Variants in TMEM161B observed in about 807,000 individuals in gnomAD.
TMEM161B encodes the protein transmembrane protein 161B.
TMEM161B carries 34 observed loss-of-function variants against 61.8 expected under a neutral mutation model. The observed-to-expected ratio is 0.55, with a 90% CI of 0.42 to 0.73. TMEM161B has a LOEUF of 0.73. Ranked by LOEUF, TMEM161B falls within the 30% of genes least tolerant of loss-of-function variation. The pLI is 0.00. For missense variants in TMEM161B, 456 were observed against 558.5 expected (o/e 0.82, Z 1.85); for synonymous variants, 167 against 192.8 (o/e 0.87, Z 1.11).
intron 2 of TMEM161B, among the ~76,000 whole-genome samples, chr5:88,235,551 C>A (rs974266992): frequency 7.9e-5 from 12 of 152,120 alleles, no homozygotes; most frequent in Non-Finnish European, 1.6e-4. Flanking sequence ...AGCTTGTTCT[C>A]TTTCCACCAG....
At chr5:88,267,856 T>C (rs1160048416) in intron 1 of TMEM161B, among the ~76,000 whole-genome samples, 1 of 152,146 alleles carries the variant, frequency 6.6e-6, no homozygotes, top group Non-Finnish European at 1.5e-5. Flanking sequence ...CGGAACAAAA[T>C]ACTTATTAAC....
At chr5:88,258,730 A>G (rs1313913418) in intron 1 of TMEM161B, among the ~76,000 whole-genome samples, 3 of 152,142 alleles carry the variant, frequency 2.0e-5, no homozygotes, top group Non-Finnish European at 4.4e-5. Context: ...TTTCTTTTAG[A>G]AAAAGAAAGC....
At chr5:88,235,572 A>G (rs920181441) in intron 2 of TMEM161B, among the ~76,000 whole-genome samples, 1 of 152,152 alleles carries the variant, frequency 6.6e-6, no homozygotes, top group Admixed American at 6.5e-5. Flanking sequence ...GTGGTGATAC[A>G]AGAAGTAAGC....
intron 10 of TMEM161B, chr5:88,198,330 A>G (rs561289744): frequency 5.2e-4 from 79 of 152,270 alleles, no homozygotes; most frequent in African/African-American, 1.9e-3. Context: ...GTGGTGACTC[A>G]CGCCTGTAAT....
chr5:88,214,637 G>A (rs962293222), intron 5 of TMEM161B, among the ~76,000 whole-genome samples: 9 of 152,044 alleles, frequency 5.9e-5, no homozygotes, highest in African/African-American at 2.2e-4. Flanking sequence ...GACTTCATGG[G>A]CCATCATACA....
In TMEM161B at chr5:88,220,549, G is replaced by A; in HGVS notation, c.446+14C>T. On this transcript the variant is annotated intron_variant, in intron 5 of 11. Coordinates refer to ENST00000296595, the MANE Select transcript of TMEM161B (RefSeq NM_153354.5). ...TGCAAAATAAATTAATATTAATGATGTTTTGAAGGATACATTGCAAAAGAC... is the reference window on the plus strand; with the variant it reads ...TGCAAAATAAATTAATATTAATGATATTTTGAAGGATACATTGCAAAAGAC... 1 of 1,536,354 alleles carries A rather than the reference G, an allele frequency of 6.5e-7. No individual in the cohort carries two copies. Among genetic ancestry groups the A allele is most frequent in the Admixed American group, 2.2e-5 (1 of 46,360 alleles).
intron 2 of TMEM161B, among the ~76,000 whole-genome samples, 177 bp from the exon 3 acceptor site, chr5:88,228,705 T>C (rs1034588881): frequency 5.4e-4 from 82 of 152,134 alleles, no homozygotes; most frequent in Admixed American, 3.3e-4. Context: ...TAGATAAACA[T>C]CCAGCAGACA....
chr5:88,243,736 T>C (rs1249106922), intron 1 of TMEM161B, among the ~76,000 whole-genome samples: 1 of 151,912 alleles, frequency 6.6e-6, no homozygotes, highest in African/African-American at 2.4e-5. Flanking sequence ...ATTCCTTATC[T>C]CCATAACCTC....
At chr5:88,194,395 C>G (rs961440787), downstream of TMEM161B, among the ~76,000 whole-genome samples, 3 of 152,060 alleles carry the variant, frequency 2.0e-5, no homozygotes, top group South Asian at 6.2e-4. Flanking sequence ...CAATCAACCA[C>G]TGATGGCCAC....
intron 5 of TMEM161B, among the ~76,000 whole-genome samples, chr5:88,214,757 G>C (rs1396883523): frequency 1.3e-5 from 2 of 152,114 alleles, no homozygotes; most frequent in Non-Finnish European, 2.9e-5. Flanking sequence ...ACACAGACTT[G>C]GTCAGAGAAG....
At chr5:88,246,721 T>G (rs1264276392) in intron 1 of TMEM161B, among the ~76,000 whole-genome samples, 3 of 152,042 alleles carry the variant, frequency 2.0e-5, no homozygotes, top group Non-Finnish European at 4.4e-5. Flanking sequence ...ATCCTGAATA[T>G]TCTTCATAAT....
chr5:88,235,227 T>C (rs1751646704), intron 2 of TMEM161B, among the ~76,000 whole-genome samples: 2 of 152,166 alleles, frequency 1.3e-5, no homozygotes, highest in South Asian at 4.1e-4. Flanking sequence ...CTTTAGAAAT[T>C]TTAAGAAATA....
At chr5:88,204,330 C>T (rs1009725370) in intron 8 of TMEM161B, among the ~76,000 whole-genome samples, 1 of 151,958 alleles carries the variant, frequency 6.6e-6, no homozygotes, top group Admixed American at 6.6e-5. Flanking sequence ...AAAATAAAAC[C>T]CCAAATCCCC....
intron 8 of TMEM161B, among the ~76,000 whole-genome samples, chr5:88,205,443 T>C (rs1442508262): frequency 2.6e-5 from 4 of 152,058 alleles, no homozygotes; most frequent in Admixed American, 2.0e-4. Context: ...TAAATAGATA[T>C]ATATGAAAAT....
chr5:88,216,239 T>C (rs1028048764), intron 5 of TMEM161B, among the ~76,000 whole-genome samples: 9 of 152,104 alleles, frequency 5.9e-5, no homozygotes, highest in Non-Finnish European at 1.3e-4. Flanking sequence ...GAGTGAGACC[T>C]TGTCTCTGGG....
chr5:88,226,739 T>C (rs1247416184), intron 3 of TMEM161B, among the ~76,000 whole-genome samples: 1 of 152,172 alleles, frequency 6.6e-6, no homozygotes, highest in Non-Finnish European at 1.5e-5. Flanking sequence ...GGCAGCAATG[T>C]TAATGTATCT....
At chr5:88,201,631 T>A (rs1744421313) in intron 9 of TMEM161B, 1 of 152,100 alleles carries the variant, frequency 6.6e-6, no homozygotes, top group Non-Finnish European at 1.5e-5. Flanking sequence ...GAGTATGAAA[T>A]CCAGTTTCCA....
chr5:88,266,597 ATAAC>A (rs983256417), intron 1 of TMEM161B, among the ~76,000 whole-genome samples: 1 of 152,242 alleles, frequency 6.6e-6, no homozygotes, highest in Non-Finnish European at 1.5e-5. Flanking sequence ...CCAAATCCAT[ATAAC>A]TAACAATGGG....
intron 1 of TMEM161B, among the ~76,000 whole-genome samples, chr5:88,265,919 T>C (rs1016050442): frequency 5.3e-5 from 8 of 152,230 alleles, no homozygotes; most frequent in African/African-American, 1.9e-4. Flanking sequence ...CTAGCTCTAA[T>C]CTACCTATCT....
Sources: gnomAD v4.1 joint callset for allele counts (sites outside exome capture counted in the v4.1 genomes callset) on GRCh38, gnomAD v4.1.1 for gene constraint, MANE v1.5 for transcripts, NCBI Gene and HGNC (gene_info 2026-07-23, HGNC 2026-07-21) for gene names.